The following SLC34A3 variants were observed in gnomAD, a reference collection of about 807,000 sequenced individuals.
SLC34A3 encodes sodium-dependent phosphate transport protein 2C.
In SLC34A3, 60 loss-of-function variants were observed where a neutral mutation model predicts 43.9. That is an observed-to-expected ratio of 1.37 (90% confidence interval 1.11 to 1.70). The LOEUF (loss-of-function observed/expected upper bound fraction) is 1.70. Among genes scored for constraint, SLC34A3 ranks in the 40% most tolerant of loss-of-function variants. The probability of loss-of-function intolerance (pLI) is 0.00; values close to 1 mark genes in which losing one functional copy is unlikely to be tolerated. For missense variants in SLC34A3, 969 were observed against 823.8 expected, an observed-to-expected ratio of 1.18 and a Z score of -2.16; for synonymous variants, 451 against 386.2, an observed-to-expected ratio of 1.17 and a Z score of -1.97.
intron 6 of SLC34A3, 32 bp downstream of exon 6, chr9:137,233,147 C>G: frequency 6.8e-7 from 1 of 1,472,094 alleles, no homozygotes; most frequent in African/African-American, 1.4e-5. Context: ...TGGGCTGGGG[C>G]TGCAGTGGCA....
rs794729659 is a variant in SLC34A3, at chr9:137,232,625, GC to G, written c.228del (p.Cys77AlafsTer75). The G allele has an allele frequency of 6.2e-7, 1 of 1,612,576 alleles. No homozygotes were observed. Among genetic ancestry groups the G allele is most frequent in the Middle Eastern group, 1.6e-4 (1 of 6,062 alleles). ...LRRVAGSVLKACGLLGSLYFF... is the reference protein window; with the variant it reads ...LRRVAGSVLKXCGLLGSLYFF... ...CCGCGTGGCCGGCAGCGTCCTCAAG[GC>G]CTGCGGGCTCCTCGGCAGCCTGTAC... is the stretch of plus-strand genomic sequence containing the variant. On this transcript the variant is annotated frameshift_variant, in exon 4 of 13. Coordinates refer to ENST00000673835, the MANE Select transcript of SLC34A3 (RefSeq NM_001177316.2). LOFTEE classifies it high-confidence loss of function.
In SLC34A3 at chr9:137,233,643, ACATGAT is replaced by A; in HGVS notation, c.773_778del (p.Ile258_Met259del). On this transcript the variant is annotated inframe_deletion, in exon 8 of 13. Coordinates refer to ENST00000673835, the MANE Select transcript of SLC34A3 (RefSeq NM_001177316.2). Reference sequence around the variant, plus strand: ...CCCTCTGGCCCCCAGTTGGACTCCGACATGATCATGAGCAGTGCCACAGGCAACGCC... The same window carrying A: ...CCCTCTGGCCCCCAGTTGGACTCCGACATGAGCAGTGCCACAGGCAACGCC... 1 of 1,612,718 alleles carries A rather than the reference ACATGAT, an allele frequency of 6.2e-7. No individual in the cohort carries two copies. The highest frequency in any genetic ancestry group is 8.5e-7 in the Non-Finnish European group (1 of 1,179,910).
chr9:137,233,447 C>CGGATGGGA lies in SLC34A3; in HGVS notation c.756+47_756+54dup, dbSNP rs778107503. On this transcript the variant is annotated intron_variant, in intron 7 of 12. Coordinates refer to ENST00000673835, the MANE Select transcript of SLC34A3 (RefSeq NM_001177316.2). Reference sequence around the variant, plus strand: ...CCCCGCCCAGAGAGCCTGAGCAGGCCGGATGGGAGGAGGGGAGGCCCGCCC... The same window carrying CGGATGGGA: ...CCCCGCCCAGAGAGCCTGAGCAGGCCGGATGGGAGGATGGGAGGAGGGGAGGCCCGCCC... 1.2e-5 allele frequency: 19 copies of CGGATGGGA among 1,589,958 alleles called. No individual in the cohort carries two copies. The African/African-American group carries it at 1.9e-4, about 16-fold the overall frequency.
chr9:137,233,779 T>TACCCCCCC, intron 8 of SLC34A3, 57 bp downstream of exon 8: 15 of 1,445,818 alleles, frequency 1.0e-5, no homozygotes, highest in South Asian at 3.5e-5. Context: ...TGCTGAGTCA[T>TACCCCCCC]CCCGCCCCAC....
chr9:137,231,128 G>A (rs780362776), intron 1 of SLC34A3, 190 bp downstream of exon 1: 32 of 162,548 alleles, frequency 2.0e-4, no homozygotes, highest in Non-Finnish European at 3.2e-4. Flanking sequence ...AGGTGGAGGG[G>A]TCCAGGTGGG....
At chr9:137,233,779 T>TGCCCCCCCCCCCC in intron 8 of SLC34A3, 57 bp downstream of exon 8, 13 of 1,445,822 alleles carry the variant, frequency 9.0e-6, no homozygotes, top group East Asian at 2.3e-5. Flanking sequence ...TGCTGAGTCA[T>TGCCCCCCCCCCCC]CCCGCCCCAC....
At chr9:137,233,175 C>G (rs776305201) in intron 6 of SLC34A3, 34 bp from the exon 7 acceptor site, 3 of 1,558,808 alleles carry the variant, frequency 1.9e-6, no homozygotes, top group Admixed American at 3.8e-5. Context: ...CCCGGGCCCC[C>G]CCACCTGACC....
upstream of SLC34A3, among the ~76,000 whole-genome samples, chr9:137,230,555 C>T (rs573353745): frequency 2.0e-5 from 3 of 152,314 alleles, no homozygotes; most frequent in South Asian, 6.2e-4. Context: ...CCCGGGCAGC[C>T]CCAGCCATAC....
intron 3 of SLC34A3, 118 bp downstream of exon 3, chr9:137,232,279 C>A: frequency 9.8e-7 from 1 of 1,020,066 alleles, no homozygotes; most frequent in Admixed American, 1.9e-5. Flanking sequence ...CTCCGCCATG[C>A]AGGCCCCCTC....
Position 137,232,426 on chromosome 9 carries a change from G to A in SLC34A3, c.176-149G>A, listed in dbSNP as rs930458928. On this transcript the variant is annotated intron_variant, in intron 3 of 12. Coordinates refer to ENST00000673835, the MANE Select transcript of SLC34A3 (RefSeq NM_001177316.2). ...TTCTGGCTTGGAAAGGCAGGAACCC[G>A]GGCCCTGCCCTGGGGGTTACGGAAG... 3.8e-5 allele frequency: 46 copies of A among 1,196,806 alleles called. 1 individual carries two copies. The highest frequency in any genetic ancestry group is 3.0e-4 in the South Asian group (22 of 73,602). 74.1% of individuals were successfully genotyped at this position (1,196,806 alleles called of 1,614,324 possible).
chr9:137,234,356 CG>C lies in SLC34A3; in HGVS notation c.1094-55del. 1.9e-6 allele frequency: 3 copies of C among 1,599,120 alleles called. No individual in the cohort carries two copies. Among genetic ancestry groups the C allele is most frequent in the Admixed American group, 3.3e-5 (2 of 59,890 alleles). ...ACTTCCCCTTCCCACCAGGCTGACT[CG>C]GGGGCTACCTGGCCCTCCTTGTGGG... On this transcript the variant is annotated intron_variant, in intron 10 of 12. Coordinates refer to ENST00000673835, the MANE Select transcript of SLC34A3 (RefSeq NM_001177316.2). The surrounding 1 kb of genome is among the most constrained non-coding windows in gnomAD (Gnocchi z 6.9).
chr9:137,232,726 A>C, intron 4 of SLC34A3, 23 bp downstream of exon 4: 1 of 1,612,892 alleles, frequency 6.2e-7, no homozygotes, highest in South Asian at 1.1e-5. Context: ...ACGGGTGCCC[A>C]GGGCGGGGCG....
chr9:137,230,529 C>T (rs1023322266), upstream of SLC34A3, among the ~76,000 whole-genome samples: 1 of 152,228 alleles, frequency 6.6e-6, no homozygotes, highest in African/African-American at 2.4e-5. Flanking sequence ...AAGTGGGGGA[C>T]TGGCGTCTCT....
intron 12 of SLC34A3, among the ~76,000 whole-genome samples, chr9:137,235,403 G>C (rs28368709): frequency 0.97 from 147,003 of 152,288 alleles, 71,029 homozygotes; most frequent in East Asian, 1. Flanking sequence ...TGGAACCCAC[G>C]CTCGTTCTTC....
intron 7 of SLC34A3, 99 bp downstream of exon 7, chr9:137,233,503 G>A (rs564157246): frequency 1.6e-5 from 25 of 1,574,818 alleles, no homozygotes; most frequent in Admixed American, 3.4e-5. Flanking sequence ...GGAGGGTCTG[G>A]GCCCTGTCCT....
chr9:137,232,027 GGGA>G, intron 2 of SLC34A3, 42 bp from the exon 3 acceptor site: 1 of 1,577,294 alleles, frequency 6.3e-7, no homozygotes, highest in Non-Finnish European at 8.7e-7. Context: ...CCCAGTTGGA[GGGA>G]GGTGGTCCTG....
intron 12 of SLC34A3, among the ~76,000 whole-genome samples, chr9:137,235,101 T>A (rs1009110309): frequency 2.6e-5 from 4 of 151,006 alleles, no homozygotes; most frequent in Non-Finnish European, 4.4e-5. Flanking sequence ...CTCCAGCAGG[T>A]CCCCATCTGG....
chr9:137,233,935 C>A lies in SLC34A3; in HGVS notation c.919C>A (p.Leu307Met), dbSNP rs202109348. 1,258 of 1,570,810 alleles carry A rather than the reference C, an allele frequency of 8.0e-4. 1 individual carries two copies. Among genetic ancestry groups the A allele is most frequent in the Non-Finnish European group, 1.0e-3 (1,187 of 1,158,940 alleles). The stretch of plus-strand genomic sequence containing the variant: ...GAACAGCACAGCCCCGGCGGACAGG[C>A]TGCCCTGTGAGGCCCGGCCCACCCC... ...EKNSTAPADRLPCRHLFAGTE... is the reference protein window; with the variant it reads ...EKNSTAPADRMPCRHLFAGTE... Residue 307 changes from leucine to methionine, a missense_variant, in exon 9 of 13, where the codon CTG becomes ATG. By Grantham distance (15) the Leu-to-Met change is conservative. Coordinates refer to ENST00000673835, the MANE Select transcript of SLC34A3 (RefSeq NM_001177316.2).
rs757177139 is a variant in SLC34A3 at position 137,234,127 on chromosome 9, G to T, written c.944G>T (p.Gly315Val). 2.5e-6 allele frequency: 4 copies of T among 1,591,154 alleles called. No homozygotes were observed. The Admixed American group carries it at 6.8e-5, about 27-fold the overall frequency. The change falls in exon 10 of 13, where the codon GGC becomes GTC. Residue 315 changes from glycine to valine, a missense_variant. Coordinates refer to ENST00000673835, the MANE Select transcript of SLC34A3 (RefSeq NM_001177316.2). The surrounding 1 kb of genome is among the most constrained non-coding windows in gnomAD (Gnocchi z 6.9). ...DRLPCRHLFAGTELTDLAVGC... is the reference protein window; with the variant it reads ...DRLPCRHLFAVTELTDLAVGC... ...CCCCCAGGCCGCCACCTGTTTGCGGGCACGGAGCTCACGGACCTGGCCGTG... is the reference window on the plus strand; with the variant it reads ...CCCCCAGGCCGCCACCTGTTTGCGGTCACGGAGCTCACGGACCTGGCCGTG...
Sources: allele counts gnomAD v4.1 joint callset (sites outside exome capture counted in the v4.1 genomes callset), GRCh38; gene constraint gnomAD v4.1.1; non-coding constraint Gnocchi (gnomAD v3.1); transcripts MANE v1.5; gene names NCBI Gene and HGNC (gene_info 2026-07-23, HGNC 2026-07-21).